The following NDUFAF2 variants were observed in gnomAD, a reference collection of about 807,000 sequenced individuals.
The protein encoded by NDUFAF2 is NADH:ubiquinone oxidoreductase complex assembly factor 2.
Under a neutral mutation model 22.8 loss-of-function variants are expected in NDUFAF2, and 13 were observed. That is an observed-to-expected ratio of 0.57 (90% CI 0.37 to 0.91). The LOEUF (loss-of-function observed/expected upper bound fraction) is 0.91. NDUFAF2 is among the 40% of genes least tolerant of loss of function. The probability of loss-of-function intolerance (pLI) is 0.01; values close to 1 mark genes in which losing one functional copy is unlikely to be tolerated. For missense variants in NDUFAF2, 162 were observed against 195.2 expected (o/e 0.83, Z 1.01); for synonymous variants, 53 against 64.2 (o/e 0.83, Z 0.84).
chr5:60,975,627 GAA>G (rs1750892649), intron 1 of NDUFAF2, among the ~76,000 whole-genome samples: 2 of 152,168 alleles, frequency 1.3e-5, no homozygotes, highest in Admixed American at 6.5e-5. Context: ...ACCAAACACA[GAA>G]CACTGGTGTC....
At chr5:61,133,784 A>T (rs1411506843) in intron 3 of NDUFAF2, among the ~76,000 whole-genome samples, 2 of 152,206 alleles carry the variant, frequency 1.3e-5, no homozygotes, top group African/African-American at 4.8e-5. Context: ...CATTTCGCAA[A>T]TATGTGTTAA....
intron 2 of NDUFAF2, among the ~76,000 whole-genome samples, chr5:61,085,726 TA>T (rs1472231752): frequency 6.6e-6 from 1 of 152,138 alleles, no homozygotes; most frequent in Non-Finnish European, 1.5e-5. Flanking sequence ...AATTTCTAAG[TA>T]AAAATTTAAA....
chr5:61,004,632 T>C (rs572551401), intron 1 of NDUFAF2, among the ~76,000 whole-genome samples: 66 of 152,250 alleles, frequency 4.3e-4, no homozygotes, highest in African/African-American at 1.5e-3. Flanking sequence ...TTTAGGTCTT[T>C]GGGATCTCAC....
chr5:61,021,114 A>G (rs531199910), intron 1 of NDUFAF2, among the ~76,000 whole-genome samples: 14 of 148,344 alleles, frequency 9.4e-5, no homozygotes, highest in African/African-American at 3.5e-4. Flanking sequence ...TTAGTTTCCT[A>G]TTGCTGCTGT....
chr5:61,089,471 TG>T (rs1752541558), intron 2 of NDUFAF2, among the ~76,000 whole-genome samples: 1 of 152,122 alleles, frequency 6.6e-6, no homozygotes, highest in Admixed American at 6.6e-5. Flanking sequence ...GGTCATTTGT[TG>T]TATGTAGTAG....
rs1206182088 is a variant in NDUFAF2, at chr5:61,044,540, T to G, written c.128-28585T>G. ...TGTATATGGTGTGTATTCTTTTTCA[T>G]GTGTATATCCAGTTTTTCCAACACC... On this transcript the variant is annotated intron_variant, in intron 1 of 3. Transcript: ENST00000296597. 3.3e-5 allele frequency among the ~76,000 whole-genome samples: 5 copies of G among 152,178 alleles called. No homozygotes were observed. In the South Asian group the frequency reaches 8.3e-4, roughly 25 times the overall value.
At chr5:61,052,324 C>G (rs1752034269) in intron 1 of NDUFAF2, among the ~76,000 whole-genome samples, 1 of 151,546 alleles carries the variant, frequency 6.6e-6, no homozygotes, top group Non-Finnish European at 1.5e-5. Flanking sequence ...CTCTTTTTTT[C>G]TTTTGAGACG....
At chr5:60,993,070 A>T (rs1751181505) in intron 1 of NDUFAF2, among the ~76,000 whole-genome samples, 1 of 152,246 alleles carries the variant, frequency 6.6e-6, no homozygotes, top group Non-Finnish European at 1.5e-5. Context: ...TGAACCAGAC[A>T]TGGAGCGGCA....
chr5:61,123,329 A>G (rs917522556), intron 3 of NDUFAF2, among the ~76,000 whole-genome samples: 11 of 152,156 alleles, frequency 7.2e-5, no homozygotes, highest in African/African-American at 2.7e-4. Flanking sequence ...ATCAGAGTGT[A>G]CTTAGGGAAA....
chr5:60,999,981 A>T (rs1030895930), intron 1 of NDUFAF2, among the ~76,000 whole-genome samples: 2 of 151,896 alleles, frequency 1.3e-5, no homozygotes, highest in African/African-American at 4.8e-5. Context: ...ATTGAGAGAA[A>T]TTTTTTTTGG....
At chr5:61,124,956 A>G (rs1753017825) in intron 3 of NDUFAF2, among the ~76,000 whole-genome samples, 2 of 152,040 alleles carry the variant, frequency 1.3e-5, no homozygotes, top group South Asian at 2.1e-4. Flanking sequence ...CACATCTTAG[A>G]TGGTAGCAGG....
chr5:61,090,010 G>T (rs1460369102), intron 2 of NDUFAF2, among the ~76,000 whole-genome samples: 1 of 151,692 alleles, frequency 6.6e-6, no homozygotes, highest in South Asian at 2.1e-4. Context: ...TCATGGTGAC[G>T]ATAAGTGTGC....
chr5:61,079,001 T>C (rs1752404900), intron 2 of NDUFAF2, among the ~76,000 whole-genome samples: 1 of 152,202 alleles, frequency 6.6e-6, no homozygotes, highest in South Asian at 2.1e-4. Context: ...ACATTTTTTA[T>C]GAGAACCCTA....
At chr5:60,993,988 T>A (rs1046063824) in intron 1 of NDUFAF2, among the ~76,000 whole-genome samples, 1 of 152,242 alleles carries the variant, frequency 6.6e-6, no homozygotes, top group Non-Finnish European at 1.5e-5. Flanking sequence ...ACCTGCTCCC[T>A]TCTGCCCAGG....
intron 1 of NDUFAF2, among the ~76,000 whole-genome samples, chr5:60,985,098 C>G (rs1580080206): frequency 1.3e-5 from 2 of 152,184 alleles, no homozygotes; most frequent in East Asian, 1.9e-4. Context: ...TTCAGAGATT[C>G]AGCTTCTTCA....
chr5:60,961,170 T>G (rs985493215), intron 1 of NDUFAF2, among the ~76,000 whole-genome samples: 2 of 152,130 alleles, frequency 1.3e-5, no homozygotes, highest in African/African-American at 4.8e-5. Flanking sequence ...AAATTTACTG[T>G]ATAACTTGGT....
intron 1 of NDUFAF2, among the ~76,000 whole-genome samples, chr5:61,050,796 C>G (rs1235108622): frequency 6.6e-6 from 1 of 152,078 alleles, no homozygotes; most frequent in Admixed American, 6.6e-5. Context: ...GTGGAAGAAT[C>G]ATTTAAAAGT....
intron 1 of NDUFAF2, among the ~76,000 whole-genome samples, chr5:61,040,056 TTTG>T (rs1253906118): frequency 6.6e-6 from 1 of 152,102 alleles, no homozygotes; most frequent in Non-Finnish European, 1.5e-5. Context: ...CAAGTATTTT[TTTG>T]TTCTTTTTCC....
intron 1 of NDUFAF2, among the ~76,000 whole-genome samples, chr5:61,019,155 G>C (rs1228392726): frequency 6.6e-6 from 1 of 151,972 alleles, no homozygotes; most frequent in Non-Finnish European, 1.5e-5. Flanking sequence ...TTAATTTTTA[G>C]TGCTGCTTCT....
Sources: allele counts gnomAD v4.1 joint callset (sites outside exome capture counted in the v4.1 genomes callset), GRCh38; gene constraint gnomAD v4.1.1; transcripts MANE v1.5; gene names NCBI Gene and HGNC (gene_info 2026-07-23, HGNC 2026-07-21).